RBMS3: variants seen among roughly 807,000 people sequenced by gnomAD.
The protein encoded by RBMS3 is RNA-binding motif, single-stranded-interacting protein 3.
In RBMS3, 27 loss-of-function variants were observed where a neutral mutation model predicts 66.8. The ratio of observed to expected loss-of-function variants is 0.40; its 90% CI spans 0.30 to 0.56. RBMS3 has a LOEUF of 0.56. Among genes scored for constraint, RBMS3 ranks in the 20% least tolerant of loss-of-function variants. RBMS3 has a pLI of 0.40. For missense variants in RBMS3, 513 were observed against 549.5 expected, an observed-to-expected ratio of 0.93 and a Z score of 0.66; for synonymous variants, 188 against 183.0, an observed-to-expected ratio of 1.03 and a Z score of -0.22.
intron 1 of RBMS3, among the ~76,000 whole-genome samples, chr3:29,401,667 T>A (rs1409336596): frequency 6.6e-6 from 1 of 152,088 alleles, no homozygotes; most frequent in Non-Finnish European, 1.5e-5. Flanking sequence ...ATGACATAGG[T>A]GGGAACTTCT....
chr3:29,671,002 T>C (rs191929334), intron 4 of RBMS3, among the ~76,000 whole-genome samples: 2 of 152,268 alleles, frequency 1.3e-5, no homozygotes, highest in East Asian at 1.9e-4. Context: ...CATCTCACAA[T>C]AGGGGCCGAC....
intron 3 of RBMS3, among the ~76,000 whole-genome samples, chr3:29,553,013 C>A (rs536432443): frequency 6.6e-6 from 1 of 152,058 alleles, no homozygotes; most frequent in Non-Finnish European, 1.5e-5. Flanking sequence ...TTGCAACCTG[C>A]GAATAGGCCT....
intron 1 of RBMS3, among the ~76,000 whole-genome samples, chr3:29,385,372 T>G (rs1575674697): frequency 1.3e-5 from 2 of 152,246 alleles, no homozygotes; most frequent in African/African-American, 2.4e-5. Context: ...TTGGGCCCTC[T>G]GGAACTCGGT....
chr3:29,705,787 A>C (rs551533308), intron 4 of RBMS3, among the ~76,000 whole-genome samples: 1 of 152,214 alleles, frequency 6.6e-6, no homozygotes, highest in African/African-American at 2.4e-5. Flanking sequence ...ATACAAATTC[A>C]TGCAAATATT....
chr3:29,656,205 C>T (rs924264487), intron 4 of RBMS3, among the ~76,000 whole-genome samples: 4 of 152,228 alleles, frequency 2.6e-5, no homozygotes, highest in South Asian at 2.1e-4. Flanking sequence ...CAGTGTACAA[C>T]GATGTTCTAG....
At chr3:29,751,915 T>A (rs1328673987) in intron 5 of RBMS3, among the ~76,000 whole-genome samples, 1 of 152,162 alleles carries the variant, frequency 6.6e-6, no homozygotes, top group African/African-American at 2.4e-5. Flanking sequence ...GCCTAGGGGT[T>A]GCCTACGACC....
At chr3:29,587,909 T>A (rs545106334) in intron 4 of RBMS3, among the ~76,000 whole-genome samples, 1 of 152,090 alleles carries the variant, frequency 6.6e-6, no homozygotes, top group Admixed American at 6.6e-5. Flanking sequence ...GAAAATAAGT[T>A]AAATTATTTA....
At position 29,683,382 on chromosome 3, in the gene RBMS3, C is replaced by A. The variant is rs191904637; in HGVS notation, c.400-56338C>A. On this transcript the variant is annotated intron_variant, in intron 4 of 14. Coordinates refer to ENST00000383767, the MANE Select transcript of RBMS3 (RefSeq NM_001003793.3). ...TAGAGTGTGAGTTTATTTCACATAGCAGGTCTCATAAAGATTGCATCCATA... is the reference window on the plus strand; with the variant it reads ...TAGAGTGTGAGTTTATTTCACATAGAAGGTCTCATAAAGATTGCATCCATA... Among the ~76,000 whole-genome samples the A allele has an allele frequency of 3.0e-3, 463 of 152,206 alleles. 3 individuals carry two copies. The highest frequency in any genetic ancestry group is 0.01 in the African/African-American group (419 of 41,520).
chr3:29,531,702 G>T lies in RBMS3; in HGVS notation c.307+43203G>T, dbSNP rs552117629. Among the ~76,000 whole-genome samples, 3 of 152,294 alleles carry T rather than the reference G, an allele frequency of 2.0e-5. No homozygotes were observed. The East Asian group carries it at 5.8e-4, about 29-fold the overall frequency. The stretch of plus-strand genomic sequence containing the variant: ...CAAGTGTTCTTGCTGAGGCAGCAAG[G>T]AAAATGCAGTTCTGTGCATCTGCAG... On this transcript the variant is annotated intron_variant, in intron 3 of 14. Transcript: ENST00000383767.
intron 4 of RBMS3, among the ~76,000 whole-genome samples, chr3:29,718,284 A>G (rs186343720): frequency 1.8e-3 from 273 of 152,178 alleles, no homozygotes; most frequent in Non-Finnish European, 2.5e-3. Context: ...ATATGCTTCT[A>G]TATATCACAT....
At chr3:29,796,441 C>T (rs1161822780) in intron 6 of RBMS3, among the ~76,000 whole-genome samples, 1 of 152,168 alleles carries the variant, frequency 6.6e-6, no homozygotes, top group Non-Finnish European at 1.5e-5. Context: ...TTATTAATGG[C>T]ATCTAGAATG....
chr3:29,680,017 G>A (rs975103545), intron 4 of RBMS3, among the ~76,000 whole-genome samples: 9 of 151,988 alleles, frequency 5.9e-5, no homozygotes, highest in Admixed American at 2.6e-4. Context: ...CCTTTGTGTT[G>A]CCTCTTCCAT....
At chr3:29,476,725 C>T (rs1160232395) in intron 2 of RBMS3, among the ~76,000 whole-genome samples, 1 of 152,048 alleles carries the variant, frequency 6.6e-6, no homozygotes, top group African/African-American at 2.4e-5. Context: ...TTTATCTTTT[C>T]TGCTTTTTCT....
At chr3:29,611,456 G>T (rs2048489661) in intron 4 of RBMS3, among the ~76,000 whole-genome samples, 1 of 151,958 alleles carries the variant, frequency 6.6e-6, no homozygotes, top group South Asian at 2.1e-4. Context: ...CAGAATGTAT[G>T]AGTACACCAA....
At chr3:29,732,219 T>A (rs960782026) in intron 4 of RBMS3, among the ~76,000 whole-genome samples, 1 of 152,122 alleles carries the variant, frequency 6.6e-6, no homozygotes, top group African/African-American at 2.4e-5. Flanking sequence ...GGTTCAAGAC[T>A]CAAGAAGGGC....
intron 7 of RBMS3, among the ~76,000 whole-genome samples, chr3:29,876,815 G>A (rs1157400615): frequency 6.8e-6 from 1 of 147,880 alleles, no homozygotes; most frequent in African/African-American, 2.6e-5. Context: ...TTTGGTAAAG[G>A]GTGAAGTCTA....
intron 6 of RBMS3, among the ~76,000 whole-genome samples, chr3:29,789,210 C>T (rs1011259156): frequency 6.6e-6 from 1 of 151,870 alleles, no homozygotes; most frequent in African/African-American, 2.4e-5. Flanking sequence ...CCTTTAAAAA[C>T]TTGAATGGCA....
chr3:29,998,452 C>A (rs201189544), intron 14 of RBMS3, among the ~76,000 whole-genome samples: 18 of 151,980 alleles, frequency 1.2e-4, no homozygotes, highest in African/African-American at 4.3e-4. Flanking sequence ...GAGCCCACAT[C>A]GCCAAGTCAA....
Position 29,748,623 on chromosome 3 carries a change from C to T in RBMS3, c.557+8746C>T, listed in dbSNP as rs1316929491. 5.3e-5 allele frequency among the ~76,000 whole-genome samples: 8 copies of T among 152,176 alleles called. No homozygotes were observed. In the South Asian group the frequency reaches 1.0e-3, roughly 20 times the overall value. ...GAACAAAAATGCCTTTAAAAAACTA[C>T]CCTGGGCATGGATGCTGTGAGGAGG... On this transcript the variant is annotated intron_variant, in intron 5 of 14. Coordinates refer to ENST00000383767, the MANE Select transcript of RBMS3 (RefSeq NM_001003793.3).
Sources: gnomAD v4.1 joint callset for allele counts (sites outside exome capture counted in the v4.1 genomes callset) on GRCh38, gnomAD v4.1.1 for gene constraint, MANE v1.5 for transcripts, NCBI Gene and HGNC (gene_info 2026-07-23, HGNC 2026-07-21) for gene names.